Variants in FBXL7 observed in about 807,000 individuals in gnomAD.
The protein encoded by FBXL7 is F-box and leucine rich repeat protein 7, also known as F-box/LRR-repeat protein 7.
In FBXL7, 12 loss-of-function variants were observed where a neutral mutation model predicts 38.3. The observed-to-expected ratio is 0.31, with a 90% CI of 0.20 to 0.51. The LOEUF is 0.51. Ranked by LOEUF, FBXL7 falls within the 20% of genes least tolerant of loss-of-function variation. The pLI is 0.98. For synonymous variants in FBXL7, 297 were observed against 300.9 expected, an observed-to-expected ratio of 0.99 and a Z score of 0.13; for missense variants, 567 against 676.4, an observed-to-expected ratio of 0.84 and a Z score of 1.79.
At chr5:15,861,707 A>AG (rs1739480777) in intron 2 of FBXL7, among the ~76,000 whole-genome samples, 1 of 152,202 alleles carries the variant, frequency 6.6e-6, no homozygotes, top group Non-Finnish European at 1.5e-5. Flanking sequence ...TAACATAACC[A>AG]GCCCTGCTGG....
Position 15,590,160 on chromosome 5 carries a change from C to T in FBXL7, c.38-25823C>T, listed in dbSNP as rs192727820. Among the ~76,000 whole-genome samples the T allele has an allele frequency of 1.8e-4, 28 of 152,256 alleles. No individual in the cohort carries two copies. The South Asian group carries it at 4.8e-3, about 26-fold the overall frequency. On this transcript the variant is annotated intron_variant, in intron 1 of 3. Transcript: ENST00000504595. ...ATGGAGTAATGGACAGACTGGGCCA[C>T]GTTTACTCCTCTGAACACTTGAGAA... is the stretch of plus-strand genomic sequence containing the variant.
chr5:15,815,969 A>C (rs939021811), intron 2 of FBXL7, among the ~76,000 whole-genome samples: 1 of 152,186 alleles, frequency 6.6e-6, no homozygotes, highest in Non-Finnish European at 1.5e-5. Context: ...CATCTACCTA[A>C]TGATTTAGAT....
intron 2 of FBXL7, among the ~76,000 whole-genome samples, chr5:15,800,587 A>G (rs1476691183): frequency 6.6e-6 from 1 of 152,200 alleles, no homozygotes; most frequent in Non-Finnish European, 1.5e-5. Flanking sequence ...CTTCAGAACA[A>G]CCTAAAAAGG....
chr5:15,570,038 G>C (rs1241883106), intron 1 of FBXL7, among the ~76,000 whole-genome samples: 2 of 152,116 alleles, frequency 1.3e-5, no homozygotes, highest in East Asian at 1.9e-4. Context: ...CAGGGATATT[G>C]GTCTAAAATT....
At chr5:15,886,783 T>C (rs1225338276) in intron 2 of FBXL7, among the ~76,000 whole-genome samples, 2 of 152,228 alleles carry the variant, frequency 1.3e-5, no homozygotes, top group African/African-American at 4.8e-5. Flanking sequence ...GCATATGTGT[T>C]TGCCCAAGTG....
chr5:15,660,736 G>C (rs1348313258), intron 2 of FBXL7, among the ~76,000 whole-genome samples: 1 of 152,078 alleles, frequency 6.6e-6, no homozygotes, highest in African/African-American at 2.4e-5. Context: ...AGGCATATAA[G>C]TTCATTGTTA....
rs1164310463 is a variant in FBXL7 at position 15,681,654 on chromosome 5, T to C, written c.127+65582T>C. ...TTTTTATAACAAAACTGCTTTTATT[T>C]AGAAAAACTGTACTTTTAGTCAGAT... On this transcript the variant is annotated intron_variant, in intron 2 of 3. Transcript: ENST00000504595. 1.4e-4 allele frequency among the ~76,000 whole-genome samples: 22 copies of C among 152,234 alleles called. 1 individual carries two copies. The highest frequency in any genetic ancestry group is 1.4e-3 in the Admixed American group (21 of 15,284).
At chr5:15,603,038 G>A (rs572402204) in intron 1 of FBXL7, among the ~76,000 whole-genome samples, 36 of 152,074 alleles carry the variant, frequency 2.4e-4, no homozygotes, top group African/African-American at 8.4e-4. Context: ...ACATGATCTC[G>A]CTATATTGTC....
chr5:15,829,566 A>C (rs1278974919), intron 2 of FBXL7, among the ~76,000 whole-genome samples: 1 of 152,200 alleles, frequency 6.6e-6, no homozygotes, highest in Non-Finnish European at 1.5e-5. Context: ...CATTTTTTCT[A>C]ATGTTGGGAG....
chr5:15,889,189 C>T (rs1224510616), intron 2 of FBXL7, among the ~76,000 whole-genome samples: 1 of 152,118 alleles, frequency 6.6e-6, no homozygotes, highest in Non-Finnish European at 1.5e-5. Flanking sequence ...CTTACCAATG[C>T]CTGGCCACAA....
At chr5:15,808,654 A>G (rs1737778764) in intron 2 of FBXL7, among the ~76,000 whole-genome samples, 1 of 152,174 alleles carries the variant, frequency 6.6e-6, no homozygotes, top group Non-Finnish European at 1.5e-5. Flanking sequence ...ATTTATCCCA[A>G]GTGGCTAGTT....
intron 2 of FBXL7, among the ~76,000 whole-genome samples, chr5:15,853,850 T>C (rs1438385318): frequency 1.3e-5 from 2 of 152,234 alleles, no homozygotes; most frequent in African/African-American, 4.8e-5. Context: ...GCAGTAGCTT[T>C]GTGGAGTTTG....
intron 2 of FBXL7, among the ~76,000 whole-genome samples, chr5:15,653,844 T>G (rs1055386372): frequency 1.3e-5 from 2 of 152,202 alleles, no homozygotes; most frequent in Non-Finnish European, 2.9e-5. Context: ...CTTGGGGAGC[T>G]CTGCACAGAA....
intron 2 of FBXL7, among the ~76,000 whole-genome samples, chr5:15,788,739 A>T (rs1334120060): frequency 6.6e-6 from 1 of 151,720 alleles, no homozygotes; most frequent in Non-Finnish European, 1.5e-5. Flanking sequence ...CCAGACTGGC[A>T]ACAGATCTTG....
chr5:15,789,599 T>C (rs1387175657), intron 2 of FBXL7, among the ~76,000 whole-genome samples: 1 of 152,204 alleles, frequency 6.6e-6, no homozygotes, highest in Non-Finnish European at 1.5e-5. Context: ...TGACTCTACC[T>C]TGAGATCACA....
intron 2 of FBXL7, among the ~76,000 whole-genome samples, chr5:15,709,499 A>C (rs1192574862): frequency 6.7e-6 from 1 of 149,030 alleles, no homozygotes; most frequent in Non-Finnish European, 1.5e-5. Flanking sequence ...GTGCCACTAC[A>C]CTCCACCCTG....
chr5:15,761,670 A>T (rs1186644557), intron 2 of FBXL7, among the ~76,000 whole-genome samples: 3 of 152,024 alleles, frequency 2.0e-5, no homozygotes, highest in East Asian at 1.9e-4. Context: ...CAGCCTCCCA[A>T]GTAGCTGGGA....
At chr5:15,862,482 G>A (rs1398805548) in intron 2 of FBXL7, among the ~76,000 whole-genome samples, 1 of 152,108 alleles carries the variant, frequency 6.6e-6, no homozygotes, top group South Asian at 2.1e-4. Context: ...GGCATTTTAT[G>A]TATATTATTG....
chr5:15,868,098 G>A (rs938433845), intron 2 of FBXL7, among the ~76,000 whole-genome samples: 16 of 131,910 alleles, frequency 1.2e-4, no homozygotes, highest in South Asian at 2.4e-4. Flanking sequence ...GCAAGACTCC[G>A]TCTCAAAAAA....
Sources: allele counts gnomAD v4.1 joint callset (sites outside exome capture counted in the v4.1 genomes callset), GRCh38; gene constraint gnomAD v4.1.1; transcripts MANE v1.5; gene names NCBI Gene and HGNC (gene_info 2026-07-23, HGNC 2026-07-21).